NCR3LG1: variants seen among roughly 807,000 people sequenced by gnomAD.
The protein encoded by NCR3LG1 is natural cytotoxicity triggering receptor 3 ligand 1.
NCR3LG1 carries 35 observed loss-of-function variants against 34.8 expected under a neutral mutation model. The observed-to-expected ratio is 1.01, with a 90% CI of 0.77 to 1.33. The LOEUF (loss-of-function observed/expected upper bound fraction) is 1.33. NCR3LG1 is among the 40% of genes most tolerant of loss of function. NCR3LG1 has a pLI of 0.00. For missense variants in NCR3LG1, 452 were observed against 423.3 expected (o/e 1.07, Z -0.60); for synonymous variants, 173 against 163.6 (o/e 1.06, Z -0.44).
intron 2 of NCR3LG1, among the ~76,000 whole-genome samples, chr11:17,360,887 C>G (rs908004065): frequency 1.3e-5 from 2 of 152,168 alleles, no homozygotes; most frequent in Non-Finnish European, 2.9e-5. Flanking sequence ...CAGGCTCGCG[C>G]CACCGCTCCC....
rs575147479 is a variant in NCR3LG1, at chr11:17,362,784, CCT to C, written c.422-4224_422-4223del. Among the ~76,000 whole-genome samples the C allele has an allele frequency of 6.0e-5, 7 of 116,432 alleles. 1 individual carries two copies. The highest frequency in any genetic ancestry group is 1.5e-4 in the African/African-American group (4 of 25,946). 76.4% of individuals were successfully genotyped at this position (116,432 alleles called of 152,430 possible). ...TCTTTCTTTCCTTCCTTCCTTCTTT[CCT>C]TCTTTCTCTCTCTTTCTTTCTTTCT... On this transcript the variant is annotated intron_variant, in intron 2 of 4. Coordinates refer to ENST00000338965, the MANE Select transcript of NCR3LG1 (RefSeq NM_001202439.3).
At chr11:17,378,960 G>A (rs1953499248), downstream of NCR3LG1, among the ~76,000 whole-genome samples, 1 of 152,112 alleles carries the variant, frequency 6.6e-6, no homozygotes, top group African/African-American at 2.4e-5. Flanking sequence ...TCAAGCTAAG[G>A]GCCTGCATGC....
downstream of NCR3LG1, among the ~76,000 whole-genome samples, chr11:17,379,448 CA>C (rs1953502601): frequency 6.6e-6 from 1 of 152,226 alleles, no homozygotes; most frequent in African/African-American, 2.4e-5. Context: ...TGACCTCTTT[CA>C]GCCAACTTAA....
chr11:17,351,861 T>A lies in NCR3LG1; in HGVS notation c.-109T>A. 1 of 849,316 alleles carries A rather than the reference T, an allele frequency of 1.2e-6. No individual in the cohort carries two copies. Among genetic ancestry groups the A allele is most frequent in the Non-Finnish European group, 1.8e-6 (1 of 541,572 alleles). The allele number at this position is 849,316 out of a possible 1,614,324, so 52.6% of individuals were successfully genotyped here. On this transcript the variant is annotated 5_prime_UTR_variant, in exon 1 of 5. Coordinates refer to ENST00000338965, the MANE Select transcript of NCR3LG1 (RefSeq NM_001202439.3). ...AAAAGCGCCGGCTGGAAATCCCGGC[T>A]GTGTCTCCGTCAACTCTTTACGCAA... is the stretch of plus-strand genomic sequence containing the variant.
downstream of NCR3LG1, among the ~76,000 whole-genome samples, chr11:17,378,824 T>G (rs1953498323): frequency 6.6e-6 from 1 of 152,146 alleles, no homozygotes; most frequent in South Asian, 2.1e-4. Context: ...GAGGCTTGCC[T>G]TAGACATGTC....
intron 4 of NCR3LG1, among the ~76,000 whole-genome samples, chr11:17,369,905 C>T (rs1394933599): frequency 1.3e-5 from 2 of 152,166 alleles, no homozygotes; most frequent in Non-Finnish European, 2.9e-5. Flanking sequence ...AGTCAAATTC[C>T]TTCAAACAAA....
chr11:17,367,154 G>C lies in NCR3LG1; in HGVS notation c.567G>C (p.Glu189Asp). ...KQTQKFPHPI[E>D]ISEDVITGPT... ...CCCAGAAGTTTCCCCATCCCATAGA[G>C]ATTTCTGAGGATGTCATCACTGGTC... Residue 189 changes from glutamate to aspartate, a missense_variant, in exon 3 of 5, where the codon GAG becomes GAC. Coordinates refer to ENST00000338965, the MANE Select transcript of NCR3LG1 (RefSeq NM_001202439.3). The C allele has an allele frequency of 6.5e-7, 1 of 1,536,566 alleles. No homozygotes were observed. Among genetic ancestry groups the C allele is most frequent in the South Asian group, 1.2e-5 (1 of 84,056 alleles).
chr11:17,364,904 T>C (rs180767051), intron 2 of NCR3LG1, among the ~76,000 whole-genome samples: 1 of 152,342 alleles, frequency 6.6e-6, no homozygotes. Flanking sequence ...ATTTCTTTAA[T>C]GGTGTTTTGA....
chr11:17,365,182 C>T (rs1054820567), intron 2 of NCR3LG1, among the ~76,000 whole-genome samples: 7 of 152,072 alleles, frequency 4.6e-5, no homozygotes, highest in African/African-American at 1.2e-4. Flanking sequence ...TTTTATTATG[C>T]GGCCTTATGT....
In NCR3LG1 at chr11:17,352,020, G is replaced by A; in HGVS notation, c.51G>A (p.Leu17=). ...ASTCAALLIL[L]WALTTEGDLK... ...CGTGCGCGGCGCTCCTGATTCTGCT[G>A]TGGGCGCTGACGACCGAAGGTAGGG... Residue 17 remains leucine, a synonymous_variant, in exon 1 of 5, where the codon CTG becomes CTA. Transcript: ENST00000338965. The A allele has an allele frequency of 1.3e-6, 2 of 1,520,214 alleles. No homozygotes were observed. The highest frequency in any genetic ancestry group is 1.8e-6 in the Non-Finnish European group (2 of 1,139,262). 94.2% of individuals were successfully genotyped at this position (1,520,214 alleles called of 1,614,324 possible).
rs187467719 is a variant in NCR3LG1 at position 17,367,286 on chromosome 11, G to A, written c.699G>A (p.Ala233=). 2.3e-4 allele frequency: 352 copies of A among 1,536,132 alleles called. 1 individual carries two copies. Among genetic ancestry groups the A allele is most frequent in the South Asian group, 1.7e-3 (140 of 84,062 alleles). Reference sequence around the variant, plus strand: ...TCTACCAGTGTGTGGTACGGCATGCGTCCTTGCATACCCCCTTGAGGAGCA... The same window carrying A: ...TCTACCAGTGTGTGGTACGGCATGCATCCTTGCATACCCCCTTGAGGAGCA... ...GTVYQCVVRH[A]SLHTPLRSNF... Residue 233 remains alanine (A), a synonymous_variant, in exon 3 of 5, where the codon GCG becomes GCA. Transcript: ENST00000338965.
chr11:17,356,569 C>A, intron 1 of NCR3LG1, 82 bp from the exon 2 acceptor site: 1 of 1,035,528 alleles, frequency 9.7e-7, no homozygotes, highest in Non-Finnish European at 1.4e-6. Context: ...TTTTGGAGGA[C>A]TCAAGCATTC....
At chr11:17,363,526 C>CCTTCCTT (rs1554898594) in intron 2 of NCR3LG1, among the ~76,000 whole-genome samples, 2,297 of 65,176 alleles carry the variant, frequency 0.035, 68 homozygotes, top group Non-Finnish European at 0.047. Flanking sequence ...CTCCCTCCCT[C>CCTTCCTT]CCTCCCTCCC....
At chr11:17,368,769 G>A (rs1953375394) in intron 3 of NCR3LG1, 98 bp from the exon 4 acceptor site, 3 of 791,574 alleles carry the variant, frequency 3.8e-6, no homozygotes, top group Admixed American at 5.1e-5. Flanking sequence ...CTCTGACAAG[G>A]AGGATGACAC....
At chr11:17,368,730 G>C in intron 3 of NCR3LG1, 137 bp from the exon 4 acceptor site, 1 of 675,728 alleles carries the variant, frequency 1.5e-6, no homozygotes. Context: ...GAGATGCTGA[G>C]ACATGTGGCA....
chr11:17,365,754 C>T (rs1953338448), intron 2 of NCR3LG1, among the ~76,000 whole-genome samples: 2 of 152,134 alleles, frequency 1.3e-5, no homozygotes, highest in South Asian at 2.1e-4. Context: ...GACTGGGTCC[C>T]GAGGATGAAA....
At chr11:17,359,607 G>T (rs1280282303) in intron 2 of NCR3LG1, among the ~76,000 whole-genome samples, 1 of 151,172 alleles carries the variant, frequency 6.6e-6, no homozygotes, top group East Asian at 2.0e-4. Flanking sequence ...CACCTCCCAG[G>T]TTTAAGCGAT....
rs567313382 is a variant in NCR3LG1 at position 17,372,437 on chromosome 11, ACCT to A, written c.1296_1298del (p.Pro433del). On this transcript the variant is annotated inframe_deletion, in exon 5 of 5. Transcript: ENST00000338965. Reference sequence around the variant, plus strand: ...TCCTTCCTGTCTCCCCTATCTGGGAACCTCCTCCAGCCACAACATCAACAACTC... The same window carrying A: ...TCCTTCCTGTCTCCCCTATCTGGGAACCTCCAGCCACAACATCAACAACTC... 1,941 of 703,126 alleles carry A rather than the reference ACCT, an allele frequency of 2.8e-3. 6 individuals carry two copies. The highest frequency in any genetic ancestry group is 4.1e-3 in the Non-Finnish European group (1,591 of 385,014). 43.6% of individuals were successfully genotyped at this position (703,126 alleles called of 1,614,324 possible).
rs976952464 is a variant in NCR3LG1, at chr11:17,367,093, A to G, written c.506A>G (p.Tyr169Cys). The change falls in exon 3 of 5, where the codon TAC becomes TGC. Residue 169 changes from tyrosine to cysteine, a missense_variant. Physicochemically the swap from Tyr to Cys is radical, Grantham distance 194 (BLOSUM62 -2). Coordinates refer to ENST00000338965, the MANE Select transcript of NCR3LG1 (RefSeq NM_001202439.3). ...TATATGTGTGAGTCAAGTGGGTTCT[A>G]CCCAGAGGCTATTAATATAACATGG... Reference protein sequence around the residue: ...DKYMCESSGFYPEAINITWEK... With the variant: ...DKYMCESSGFCPEAINITWEK... 1.3e-6 allele frequency: 2 copies of G among 1,536,252 alleles called. No individual in the cohort carries two copies. Among genetic ancestry groups the G allele is most frequent in the African/African-American group, 2.7e-5 (2 of 73,144 alleles).
Sources: gnomAD v4.1 joint callset for allele counts (sites outside exome capture counted in the v4.1 genomes callset) on GRCh38, gnomAD v4.1.1 for gene constraint, MANE v1.5 for transcripts, NCBI Gene and HGNC (gene_info 2026-07-23, HGNC 2026-07-21) for gene names.